Variants in PDE11A observed in about 807,000 individuals in gnomAD.
The protein encoded by PDE11A is phosphodiesterase 11A.
In PDE11A, 100 loss-of-function variants were observed where a neutral mutation model predicts 100.5. The observed-to-expected ratio is 1.00, with a 90% CI of 0.85 to 1.18. The LOEUF is 1.18. Among genes scored for constraint, PDE11A ranks in the 50% most tolerant of loss-of-function variants. The pLI, the probability that PDE11A is intolerant of heterozygous loss-of-function variation, is 0.00. For missense variants in PDE11A, 1,141 were observed against 1,152.6 expected (o/e 0.99, Z 0.15); for synonymous variants, 381 against 420.8 (o/e 0.91, Z 1.16).
chr2:178,017,339 CT>C (rs1244935987), intron 1 of PDE11A, among the ~76,000 whole-genome samples: 1 of 152,154 alleles, frequency 6.6e-6, no homozygotes, highest in African/African-American at 2.4e-5. Flanking sequence ...AAATTATGAT[CT>C]TGTGGTTTGG....
At chr2:177,657,895 G>A (rs1253746931) in intron 19 of PDE11A, among the ~76,000 whole-genome samples, 1 of 152,230 alleles carries the variant, frequency 6.6e-6, no homozygotes, top group East Asian at 1.9e-4. Flanking sequence ...GTAGCTGGGA[G>A]TTCATGGGTG....
At chr2:178,035,411 G>A (rs893404730) in intron 1 of PDE11A, among the ~76,000 whole-genome samples, 5 of 152,142 alleles carry the variant, frequency 3.3e-5, no homozygotes, top group Non-Finnish European at 5.9e-5. Flanking sequence ...AAAAGCCCAG[G>A]ACCAGATGGC....
At chr2:178,075,062 A>G (rs892198263), upstream of PDE11A, among the ~76,000 whole-genome samples, 3 of 152,202 alleles carry the variant, frequency 2.0e-5, no homozygotes, top group African/African-American at 7.2e-5. Context: ...CAAGAAGGTT[A>G]ATTTACAAAG....
Position 178,071,538 on chromosome 2 carries a change from A to G in PDE11A, c.900T>C (p.Pro300=), listed in dbSNP as rs2087129687. The change falls in exon 1 of 20, where the codon CCT becomes CCC. Residue 300 remains proline (P), a synonymous_variant. Transcript: ENST00000286063. ...TGCAAAGTCCTACCTGGTAGGCATC[A>G]GGAATGTTGACCGTTTCTCCATGCT... is the stretch of plus-strand genomic sequence containing the variant. ...VGEHGETVNI[P]DAYQDRRFND... 6.2e-7 allele frequency: 1 copy of G among 1,612,376 alleles called. No homozygotes were observed. Among genetic ancestry groups the G allele is most frequent in the Admixed American group, 1.7e-5 (1 of 60,006 alleles).
intron 5 of PDE11A, among the ~76,000 whole-genome samples, chr2:177,864,577 G>A (rs2083997683): frequency 6.6e-6 from 1 of 152,124 alleles, no homozygotes; most frequent in Non-Finnish European, 1.5e-5. Flanking sequence ...TTGTGGCAGA[G>A]TTTCAAAGAA....
At chr2:177,946,438 C>A (rs2085431469) in intron 2 of PDE11A, among the ~76,000 whole-genome samples, 3 of 57,064 alleles carry the variant, frequency 5.3e-5, no homozygotes, top group African/African-American at 2.5e-4. Flanking sequence ...CGGCCAGCCG[C>A]CCCGTCCGGG....
chr2:178,060,470 GACAA>G (rs201478997), intron 1 of PDE11A, among the ~76,000 whole-genome samples: 4,456 of 152,252 alleles, frequency 0.029, 93 homozygotes, highest in Middle Eastern at 0.085. Flanking sequence ...CAAACAAAGT[GACAA>G]ACAGTGTTAA....
At chr2:177,800,027 G>A (rs1306597437) in intron 9 of PDE11A, among the ~76,000 whole-genome samples, 1 of 152,052 alleles carries the variant, frequency 6.6e-6, no homozygotes, top group Non-Finnish European at 1.5e-5. Flanking sequence ...CCACAAGGTT[G>A]GGAAGTGAGA....
intron 15 of PDE11A, among the ~76,000 whole-genome samples, chr2:177,684,105 AT>A (rs1319720888): frequency 3.9e-5 from 6 of 152,210 alleles, no homozygotes; most frequent in African/African-American, 1.4e-4. Flanking sequence ...CTACATAGAA[AT>A]TCATCTTTTT....
rs551388880 is a variant in PDE11A at position 177,765,720 on chromosome 2, G to A, written c.1788+3603C>T. ...GAGCTGAGAACATGGATCCATGGGA[G>A]GCTGAGGTGAGGGATAAATCCAAGG... On this transcript the variant is annotated intron_variant, in intron 10 of 19. Transcript: ENST00000286063. Among the ~76,000 whole-genome samples the A allele has an allele frequency of 5.9e-5, 9 of 152,336 alleles. No individual in the cohort carries two copies. In the East Asian group the frequency reaches 1.7e-3, roughly 29 times the overall value.
chr2:177,878,952 A>G (rs980757233), intron 4 of PDE11A, among the ~76,000 whole-genome samples: 1 of 152,242 alleles, frequency 6.6e-6, no homozygotes, highest in Non-Finnish European at 1.5e-5. Flanking sequence ...TTGGCTTGGT[A>G]TAAGATTAAT....
At chr2:177,762,137 C>G (rs139621350) in intron 10 of PDE11A, among the ~76,000 whole-genome samples, 1 of 151,962 alleles carries the variant, frequency 6.6e-6, no homozygotes, top group Admixed American at 6.6e-5. Flanking sequence ...GCAGAATGGA[C>G]GGGACTGCAT....
chr2:177,751,432 AC>A (rs2082025467), intron 10 of PDE11A, among the ~76,000 whole-genome samples: 1 of 152,224 alleles, frequency 6.6e-6, no homozygotes. Context: ...TTGTAGGTAA[AC>A]ATTCCAAGAC....
chr2:177,962,927 T>A lies in PDE11A; in HGVS notation c.1071+51375A>T, dbSNP rs10211637. ...AATACTGTATCCAAATGCATTTTTT[T>A]AAAAAATATTCTGAACTGTTATTTC... On this transcript the variant is annotated intron_variant, in intron 2 of 19. Transcript: ENST00000286063. 9.1e-4 allele frequency among the ~76,000 whole-genome samples: 138 copies of A among 152,294 alleles called. 2 individuals are homozygous for A. Among genetic ancestry groups the A allele is most frequent in the South Asian group, 4.3e-3 (21 of 4,830 alleles).
At chr2:177,727,107 C>A (rs2081610989) in intron 12 of PDE11A, among the ~76,000 whole-genome samples, 1 of 152,114 alleles carries the variant, frequency 6.6e-6, no homozygotes, top group Non-Finnish European at 1.5e-5. Context: ...GTGAAACAGA[C>A]TGGCCACCAT....
chr2:178,022,196 G>A (rs1245965004), intron 1 of PDE11A, among the ~76,000 whole-genome samples: 1 of 152,132 alleles, frequency 6.6e-6, no homozygotes, highest in African/African-American at 2.4e-5. Context: ...AATGGACTGA[G>A]TTGAGAGATA....
intron 16 of PDE11A, among the ~76,000 whole-genome samples, chr2:177,678,140 A>AT (rs944288415): frequency 6.8e-4 from 103 of 152,346 alleles, no homozygotes; most frequent in African/African-American, 2.4e-3. Flanking sequence ...AAATGACAGA[A>AT]TGAAAGTATC....
intron 4 of PDE11A, among the ~76,000 whole-genome samples, chr2:177,876,372 C>G (rs558343025): frequency 2.9e-4 from 37 of 126,548 alleles, no homozygotes; most frequent in Non-Finnish European, 4.9e-4. Flanking sequence ...TCATTGTTCT[C>G]AGGTGAGCTT....
At chr2:177,924,558 G>A (rs1322929686) in intron 2 of PDE11A, among the ~76,000 whole-genome samples, 1 of 152,212 alleles carries the variant, frequency 6.6e-6, no homozygotes, top group South Asian at 2.1e-4. Context: ...TGAACTCCTT[G>A]ATATCAGAGT....
Sources: allele counts gnomAD v4.1 joint callset (sites outside exome capture counted in the v4.1 genomes callset), GRCh38; gene constraint gnomAD v4.1.1; transcripts MANE v1.5; gene names NCBI Gene and HGNC (gene_info 2026-07-23, HGNC 2026-07-21).